The following PDE1A variants were observed in gnomAD, a reference collection of about 807,000 sequenced individuals.
PDE1A encodes the protein dual specificity calcium/calmodulin-dependent 3',5'-cyclic nucleotide phosphodiesterase 1A.
Under a neutral mutation model 61.7 loss-of-function variants are expected in PDE1A, and 35 were observed. That is an observed-to-expected ratio of 0.57 (90% confidence interval 0.43 to 0.75). The LOEUF (loss-of-function observed/expected upper bound fraction) is 0.75. Ranked by LOEUF, PDE1A falls within the 30% of genes least tolerant of loss-of-function variation. PDE1A has a pLI of 0.00. For synonymous variants in PDE1A, 232 were observed against 213.2 expected (o/e 1.09, Z -0.77); for missense variants, 597 against 630.6 (o/e 0.95, Z 0.57).
intron 1 of PDE1A, among the ~76,000 whole-genome samples, chr2:182,293,865 T>C (rs1209183772): frequency 8.5e-5 from 13 of 152,160 alleles, no homozygotes; most frequent in Non-Finnish European, 7.4e-5. Context: ...GTGAATGACA[T>C]AGGCATTGTG....
At chr2:182,389,242 T>G (rs914701262) in intron 1 of PDE1A, among the ~76,000 whole-genome samples, 2 of 152,164 alleles carry the variant, frequency 1.3e-5, no homozygotes, top group African/African-American at 4.8e-5. Context: ...ATACAGATAT[T>G]TTTAAGATTA....
the PDE1A span, among the ~76,000 whole-genome samples, chr2:182,583,788 A>G: frequency 6.6e-6 from 1 of 152,226 alleles, no homozygotes; most frequent in Admixed American, 6.5e-5. Flanking sequence ...CTTTGCCTTC[A>G]TTATACAATG....
At chr2:182,590,028 C>A in the PDE1A span, among the ~76,000 whole-genome samples, 3 of 152,172 alleles carry the variant, frequency 2.0e-5, no homozygotes, top group Admixed American at 1.3e-4. Context: ...TATGTACAAA[C>A]CATAAAGACA....
chr2:182,356,591 A>T (rs563128483), intron 1 of PDE1A, among the ~76,000 whole-genome samples: 1 of 151,942 alleles, frequency 6.6e-6, no homozygotes, highest in East Asian at 1.9e-4. Flanking sequence ...CTCCACAGAA[A>T]ATACAAAAAT....
chr2:182,410,140 C>A (rs545241085), intron 1 of PDE1A, among the ~76,000 whole-genome samples: 1 of 152,120 alleles, frequency 6.6e-6, no homozygotes, highest in South Asian at 2.1e-4. Context: ...TCACTTAAGC[C>A]CAGGAGTTCA....
chr2:182,555,594 G>T, the PDE1A span, among the ~76,000 whole-genome samples: 1 of 152,024 alleles, frequency 6.6e-6, no homozygotes, highest in Non-Finnish European at 1.5e-5. Context: ...AGAAAATTTT[G>T]CCCAGAACAT....
At chr2:182,388,756 A>G (rs1701260599) in intron 1 of PDE1A, among the ~76,000 whole-genome samples, 1 of 152,082 alleles carries the variant, frequency 6.6e-6, no homozygotes, top group Admixed American at 6.5e-5. Context: ...GAAAGGAGGA[A>G]AGCAAGAACA....
At chr2:182,209,201 C>CA (rs749334321) in intron 7 of PDE1A, among the ~76,000 whole-genome samples, 4 of 152,180 alleles carry the variant, frequency 2.6e-5, no homozygotes, top group Non-Finnish European at 5.9e-5. Flanking sequence ...AGAGGCCTCA[C>CA]AATCATGGTG....
chr2:182,674,934 A>C, the PDE1A span, among the ~76,000 whole-genome samples: 20 of 152,200 alleles, frequency 1.3e-4, no homozygotes, highest in East Asian at 1.9e-3. Context: ...TTTCAAAAAA[A>C]TTTTGATGTT....
At chr2:182,515,167 A>C (rs1480447345) in intron 2 of PDE1A, among the ~76,000 whole-genome samples, 2 of 152,176 alleles carry the variant, frequency 1.3e-5, no homozygotes, top group African/African-American at 4.8e-5. Flanking sequence ...AACCTAAAAG[A>C]AGTCATCCCT....
chr2:182,284,173 T>C (rs1205542039), intron 1 of PDE1A, among the ~76,000 whole-genome samples: 3 of 152,108 alleles, frequency 2.0e-5, no homozygotes, highest in Non-Finnish European at 2.9e-5. Context: ...TGAGGCTGCA[T>C]TGTCCATGAT....
chr2:182,700,778 G>A, the PDE1A span, among the ~76,000 whole-genome samples: 63 of 136,458 alleles, frequency 4.6e-4, 2 homozygotes, highest in South Asian at 9.2e-3. Context: ...TTAGCTGGGC[G>A]TATTGGCAGG....
At chr2:182,288,451 T>C (rs1200433741) in intron 1 of PDE1A, among the ~76,000 whole-genome samples, 1 of 152,130 alleles carries the variant, frequency 6.6e-6, no homozygotes, top group Non-Finnish European at 1.5e-5. Context: ...ATATCATCAT[T>C]TTCATAAGGC....
At chr2:182,596,913 G>A in the PDE1A span, among the ~76,000 whole-genome samples, 1 of 152,142 alleles carries the variant, frequency 6.6e-6, no homozygotes, top group Non-Finnish European at 1.5e-5. Context: ...TAGCACTTTG[G>A]GAGGCTGAGG....
chr2:182,371,385 G>C (rs1359429568), intron 1 of PDE1A, among the ~76,000 whole-genome samples: 1 of 152,076 alleles, frequency 6.6e-6, no homozygotes, highest in African/African-American at 2.4e-5. Flanking sequence ...ATGACTATCA[G>C]GTCTCCTGAG....
chr2:182,290,902 C>T (rs1173362825), intron 1 of PDE1A, among the ~76,000 whole-genome samples: 4 of 152,002 alleles, frequency 2.6e-5, no homozygotes, highest in African/African-American at 9.7e-5. Flanking sequence ...TCTGCTCTTA[C>T]CCACCTACAC....
At chr2:182,515,946 G>GTTTC in intron 2 of PDE1A, among the ~76,000 whole-genome samples, 1 of 117,384 alleles carries the variant, frequency 8.5e-6, no homozygotes, top group South Asian at 3.5e-4. Context: ...GTGCGTGTGT[G>GTTTC]TGTGTTTCTG....
At chr2:182,476,894 T>TA (rs36121688) in intron 2 of PDE1A, among the ~76,000 whole-genome samples, 7,270 of 109,618 alleles carry the variant, frequency 0.066, 281 homozygotes, top group African/African-American at 0.13. Context: ...AAGGTTTTCA[T>TA]AAAAAAAAAA....
chr2:182,384,824 T>C lies in PDE1A; in HGVS notation c.53+41754A>G, dbSNP rs148815664. On this transcript the variant is annotated intron_variant, in intron 1 of 13. Coordinates refer to ENST00000351439, the Ensembl canonical transcript of PDE1A. ...AATATTGAAATACAGAAAGGTCAAA[T>C]ATCTCCAATCAAATTCAATTCAAAT... Among the ~76,000 whole-genome samples the C allele has an allele frequency of 4.7e-3, 718 of 152,174 alleles. 2 individuals are homozygous for C. Among genetic ancestry groups the C allele is most frequent in the African/African-American group, 0.017 (690 of 41,520 alleles).
Sources: gnomAD v4.1 joint callset for allele counts (sites outside exome capture counted in the v4.1 genomes callset) on GRCh38, gnomAD v4.1.1 for gene constraint, MANE v1.5 for transcripts, NCBI Gene and HGNC (gene_info 2026-07-23, HGNC 2026-07-21) for gene names.